CACNG2: variants seen among roughly 807,000 people sequenced by gnomAD.
CACNG2 encodes the protein calcium voltage-gated channel auxiliary subunit gamma 2, also known as voltage-dependent calcium channel gamma-2 subunit.
A neutral mutation model predicts 25.9 loss-of-function variants in CACNG2; 3 were observed. The observed-to-expected ratio is 0.12, with a 90% CI of 0.05 to 0.30. CACNG2 has a LOEUF of 0.30. Among genes scored for constraint, CACNG2 ranks in the 10% least tolerant of loss-of-function variants. CACNG2 has a pLI of 1.00. For missense variants in CACNG2, 341 were observed against 432.5 expected (o/e 0.79, Z 1.88); for synonymous variants, 167 against 173.3 (o/e 0.96, Z 0.29).
chr22:36,600,448 AAC>A (rs899790896), intron 1 of CACNG2, among the ~76,000 whole-genome samples: 1 of 71,078 alleles, frequency 1.4e-5, no homozygotes, highest in South Asian at 8.9e-4. Flanking sequence ...AAACCAAAAA[AAC>A]AAAAAAAAAA....
At chr22:36,662,444 C>G (rs1936812452) in intron 1 of CACNG2, among the ~76,000 whole-genome samples, 1 of 152,196 alleles carries the variant, frequency 6.6e-6, no homozygotes, top group African/African-American at 2.4e-5. Flanking sequence ...CTTCTCTTAT[C>G]TGCCACCCAC....
At chr22:36,674,995 T>G (rs959818178) in intron 1 of CACNG2, among the ~76,000 whole-genome samples, 1 of 152,202 alleles carries the variant, frequency 6.6e-6, no homozygotes, top group Non-Finnish European at 1.5e-5. Context: ...ACATAGTAAG[T>G]GTTCAATAAA....
Position 36,641,541 on chromosome 22 carries a change from C to A in CACNG2, c.212-53993G>T, listed in dbSNP as rs534198678. ...CTTTAATTCACACCGGATTCCTGTACAAGGAAAAGGTCCAGTTGGAAGGGT... is the reference window on the plus strand; with the variant it reads ...CTTTAATTCACACCGGATTCCTGTAAAAGGAAAAGGTCCAGTTGGAAGGGT... On this transcript the variant is annotated intron_variant, in intron 1 of 3. Coordinates refer to ENST00000300105, the MANE Select transcript of CACNG2 (RefSeq NM_006078.5). Among the ~76,000 whole-genome samples, 5 of 152,288 alleles carry A rather than the reference C, an allele frequency of 3.3e-5. No individual in the cohort carries two copies. The South Asian group carries it at 8.3e-4, about 25-fold the overall frequency.
intron 1 of CACNG2, among the ~76,000 whole-genome samples, chr22:36,677,207 A>G (rs1289751659): frequency 6.6e-6 from 1 of 152,208 alleles, no homozygotes; most frequent in Non-Finnish European, 1.5e-5. Context: ...TTCCTGAAGA[A>G]GGCTTTCAGA....
intron 2 of CACNG2, among the ~76,000 whole-genome samples, chr22:36,583,900 C>A (rs942881316): frequency 2.0e-5 from 3 of 152,218 alleles, no homozygotes; most frequent in Non-Finnish European, 4.4e-5. Context: ...GGACCCCACT[C>A]CACCCCTGCA....
At chr22:36,675,205 T>TTTTTTC (rs1176667668) in intron 1 of CACNG2, among the ~76,000 whole-genome samples, 1 of 152,082 alleles carries the variant, frequency 6.6e-6, no homozygotes, top group Non-Finnish European at 1.5e-5. Context: ...CCCAGCTATT[T>TTTTTTC]TTTTTCTTTT....
At chr22:36,659,678 C>T (rs1459093068) in intron 1 of CACNG2, among the ~76,000 whole-genome samples, 2 of 151,200 alleles carry the variant, frequency 1.3e-5, no homozygotes, top group African/African-American at 2.4e-5. Flanking sequence ...TGGGATGGTG[C>T]GGGGACACAG....
intron 2 of CACNG2, among the ~76,000 whole-genome samples, chr22:36,579,056 T>C (rs1049240133): frequency 7.2e-5 from 11 of 152,090 alleles, no homozygotes; most frequent in Admixed American, 1.3e-4. Flanking sequence ...CAGCCAGAAC[T>C]CCTCGCCATC....
chr22:36,585,349 A>T (rs1040891168), intron 2 of CACNG2: 1 of 152,118 alleles, frequency 6.6e-6, no homozygotes, highest in Non-Finnish European at 1.5e-5. Flanking sequence ...GGGGCAGGGG[A>T]TCCTTCTAGA....
chr22:36,628,104 T>C (rs1936212013), intron 1 of CACNG2, among the ~76,000 whole-genome samples: 1 of 152,194 alleles, frequency 6.6e-6, no homozygotes, highest in Non-Finnish European at 1.5e-5. Flanking sequence ...GGCGAGAACG[T>C]TATGAATTAT....
chr22:36,610,370 TGGGAGGAATCAGCTCCCC>T (rs1445752413), intron 1 of CACNG2, among the ~76,000 whole-genome samples: 62 of 141,010 alleles, frequency 4.4e-4, no homozygotes, highest in Non-Finnish European at 3.7e-4. Flanking sequence ...AGAGCGTGAT[TGGGAGGAATCAGCTCCCC>T]AGAGCGTGAT....
chr22:36,615,128 A>G (rs1936004025), intron 1 of CACNG2, among the ~76,000 whole-genome samples: 1 of 152,194 alleles, frequency 6.6e-6, no homozygotes, highest in Non-Finnish European at 1.5e-5. Context: ...TGCCCAGTAA[A>G]TGTCTGGAGA....
chr22:36,629,694 T>C (rs1936238449), intron 1 of CACNG2, among the ~76,000 whole-genome samples: 3 of 152,194 alleles, frequency 2.0e-5, no homozygotes, highest in South Asian at 4.1e-4. Context: ...ACTTCATTCA[T>C]TCATTCATTC....
At chr22:36,631,235 G>A (rs990106790) in intron 1 of CACNG2, among the ~76,000 whole-genome samples, 2 of 152,200 alleles carry the variant, frequency 1.3e-5, no homozygotes, top group African/African-American at 4.8e-5. Context: ...GGTTCTGGAA[G>A]TTCACAGATG....
At chr22:36,665,196 A>G (rs1168482290) in intron 1 of CACNG2, among the ~76,000 whole-genome samples, 1 of 152,214 alleles carries the variant, frequency 6.6e-6, no homozygotes, top group Non-Finnish European at 1.5e-5. Flanking sequence ...TGCAGCCAGA[A>G]TGACTTTTCT....
At position 36,664,383 on chromosome 22, in the gene CACNG2, T is replaced by C. The variant is rs573242060; in HGVS notation, c.211+37983A>G. Among the ~76,000 whole-genome samples the C allele has an allele frequency of 5.9e-5, 9 of 152,344 alleles. No individual in the cohort carries two copies. In the South Asian group the frequency reaches 1.7e-3, roughly 28 times the overall value. ...GTTCTAGCCACTGGGGCTCCAGCAG[T>C]GAACAGGATGAGCAAGGTCCTTGTT... On this transcript the variant is annotated intron_variant, in intron 1 of 3. Transcript: ENST00000300105.
chr22:36,570,175 G>T (rs576888083), intron 2 of CACNG2, among the ~76,000 whole-genome samples: 6 of 152,240 alleles, frequency 3.9e-5, no homozygotes, highest in African/African-American at 1.2e-4. Flanking sequence ...CTGCCAGCAG[G>T]GGGAGGGAGC....
chr22:36,591,734 G>A (rs951238548), intron 1 of CACNG2, among the ~76,000 whole-genome samples: 2 of 152,008 alleles, frequency 1.3e-5, no homozygotes, highest in Admixed American at 1.3e-4. Context: ...CTGCAGAGAT[G>A]GGGGAGCAAT....
intron 1 of CACNG2, among the ~76,000 whole-genome samples, chr22:36,697,118 G>C (rs1303472945): frequency 6.6e-6 from 1 of 152,202 alleles, no homozygotes; most frequent in Middle Eastern, 3.2e-3. Context: ...GAGGCACATG[G>C]TGAGTTTGGC....
Sources: allele counts gnomAD v4.1 joint callset (sites outside exome capture counted in the v4.1 genomes callset), GRCh38; gene constraint gnomAD v4.1.1; transcripts MANE v1.5; gene names NCBI Gene and HGNC (gene_info 2026-07-23, HGNC 2026-07-21).